The following MYO1C variants were observed in gnomAD, a reference collection of about 807,000 sequenced individuals.
MYO1C encodes the protein myosin IC.
In MYO1C, 104 loss-of-function variants were observed where a neutral mutation model predicts 150.8. That is an observed-to-expected ratio of 0.69 (90% confidence interval 0.59 to 0.81). The LOEUF (loss-of-function observed/expected upper bound fraction) is 0.81, where lower values mean the gene tolerates loss of function less well. Among genes scored for constraint, MYO1C ranks in the 30% least tolerant of loss-of-function variants. MYO1C has a pLI of 0.00. For synonymous variants in MYO1C, 663 were observed against 579.9 expected (o/e 1.14, Z -2.06); for missense variants, 1,504 against 1,435.0 (o/e 1.05, Z -0.78).
intron 17 of MYO1C, 60 bp from the exon 18 acceptor site, chr17:1,472,288 C>A (rs2074321078): frequency 6.9e-7 from 1 of 1,450,132 alleles, no homozygotes; most frequent in East Asian, 2.3e-5. Flanking sequence ...CTGACCCCAG[C>A]AGCGAGTACC....
chr17:1,469,637 A>G, intron 24 of MYO1C, 23 bp from the exon 25 acceptor site: 1 of 1,578,390 alleles, frequency 6.3e-7, no homozygotes, highest in South Asian at 1.1e-5. Flanking sequence ...GTGAGGTCAG[A>G]GGTCCTGGAC....
intron 1 of MYO1C, among the ~76,000 whole-genome samples, chr17:1,488,789 C>T (rs2074697109): frequency 6.6e-6 from 1 of 152,208 alleles, no homozygotes; most frequent in Admixed American, 6.5e-5. Flanking sequence ...AGGTTCCCTG[C>T]AGGCCATGGC....
chr17:1,468,065 A>T lies in MYO1C; in HGVS notation c.2819T>A (p.Leu940Gln). ...GACGACGGCGTTGGGCGTGAGCAGC[A>T]GCTGCCGGGAGCGAGGCTTGTAGCC... ...RKGYKPRSRQ[L>Q]LLTPNAVVIV... The change falls in exon 28 of 32, where the codon CTG becomes CAG. Residue 940 changes from leucine to glutamine, a missense_variant. Coordinates refer to ENST00000648651, the MANE Select transcript of MYO1C (RefSeq NM_001080779.2). 6.2e-7 allele frequency: 1 copy of T among 1,613,414 alleles called. No homozygotes were observed. Among genetic ancestry groups the T allele is most frequent in the Non-Finnish European group, 8.5e-7 (1 of 1,179,948 alleles).
chr17:1,486,503 C>T (rs1259009158), intron 1 of MYO1C, among the ~76,000 whole-genome samples: 2 of 148,702 alleles, frequency 1.3e-5, no homozygotes, highest in Non-Finnish European at 1.5e-5. Context: ...GGACCTCCTC[C>T]CTCCCTCCTT....
chr17:1,481,896 G>A (rs961969653), intron 5 of MYO1C, among the ~76,000 whole-genome samples: 2 of 151,358 alleles, frequency 1.3e-5, no homozygotes, highest in Non-Finnish European at 2.9e-5. Context: ...CTCTGTTCGC[G>A]GGCCCCTGCT....
intron 1 of MYO1C, among the ~76,000 whole-genome samples, chr17:1,484,836 T>A (rs1405526095): frequency 6.6e-6 from 1 of 151,984 alleles, no homozygotes; most frequent in Non-Finnish European, 1.5e-5. Context: ...GACAAATGGC[T>A]CAGGGTCAAT....
In MYO1C at chr17:1,467,241, C is replaced by T. The variant is rs2074191766; in HGVS notation, c.3165+1G>A. ...TAAGCGGGAAAGCAGGCCCCACTCA[C>T]CACAGCCAGGTGCCCGTTCTTGGCC... On this transcript the variant is annotated splice_donor_variant, in intron 31 of 31. Coordinates refer to ENST00000648651, the MANE Select transcript of MYO1C (RefSeq NM_001080779.2). LOFTEE classifies it high-confidence loss of function. 2 of 1,610,898 alleles carry T rather than the reference C, an allele frequency of 1.2e-6. No individual in the cohort carries two copies. Among genetic ancestry groups the T allele is most frequent in the Non-Finnish European group, 1.7e-6 (2 of 1,178,602 alleles).
intron 3 of MYO1C, 87 bp downstream of exon 3, chr17:1,483,523 G>T: frequency 2.1e-6 from 2 of 970,436 alleles, no homozygotes; most frequent in Non-Finnish European, 1.6e-6. Context: ...GGGACGCCAG[G>T]ATCATTTCAG....
intron 5 of MYO1C, among the ~76,000 whole-genome samples, chr17:1,481,616 T>C (rs944939702): frequency 2.0e-5 from 3 of 151,888 alleles, no homozygotes; most frequent in Non-Finnish European, 4.4e-5. Flanking sequence ...TTCTCCTGCC[T>C]CAGCCTCCTG....
chr17:1,484,346 G>C (rs759605363), intron 1 of MYO1C, 43 bp from the exon 2 acceptor site: 2 of 1,600,420 alleles, frequency 1.2e-6, no homozygotes, highest in Middle Eastern at 1.7e-4. Flanking sequence ...GTCATCGGGG[G>C]CGGGGCAAGG....
Position 1,468,441 on chromosome 17 carries a change from G to T in MYO1C, c.2666C>A (p.Pro889His), listed in dbSNP as rs756211002. The T allele has an allele frequency of 6.2e-7, 1 of 1,614,072 alleles. No homozygotes were observed. Among genetic ancestry groups the T allele is most frequent in the Non-Finnish European group, 8.5e-7 (1 of 1,179,978 alleles). Residue 889 changes from proline to histidine, a missense_variant, in exon 26 of 32, where the codon CCT becomes CAT. Coordinates refer to ENST00000648651, the MANE Select transcript of MYO1C (RefSeq NM_001080779.2). ...EIFKGKKDNY[P>H]QSVPRLFIST... ...GATGAAGAGCCTGGGTACACTCTGAGGGTAATTATCCTTCTTGCCCTTGAA... is the reference window on the plus strand; with the variant it reads ...GATGAAGAGCCTGGGTACACTCTGATGGTAATTATCCTTCTTGCCCTTGAA...
chr17:1,488,693 G>A (rs138395812), intron 1 of MYO1C, among the ~76,000 whole-genome samples: 194 of 152,338 alleles, frequency 1.3e-3, no homozygotes, highest in Non-Finnish European at 1.8e-3. Context: ...CAGTGACACC[G>A]TTCAGGCCCC....
chr17:1,484,594 G>A (rs2150964033), intron 1 of MYO1C: 2 of 559,930 alleles, frequency 3.6e-6, no homozygotes, highest in African/African-American at 1.9e-5. Context: ...TCGGACACAG[G>A]GCATGGACGC....
intron 1 of MYO1C, among the ~76,000 whole-genome samples, chr17:1,489,922 C>G (rs188687582): frequency 1.3e-5 from 2 of 151,808 alleles, no homozygotes; most frequent in East Asian, 3.9e-4. Flanking sequence ...CGCTTGTAAT[C>G]CCAGCTACTT....
intron 14 of MYO1C, among the ~76,000 whole-genome samples, chr17:1,476,622 C>G (rs531754965): frequency 2.0e-5 from 3 of 152,210 alleles, no homozygotes; most frequent in Admixed American, 2.0e-4. Context: ...TGAGAAAACA[C>G]CAAGAACCCC....
Position 1,469,573 on chromosome 17 carries a change from C to T in MYO1C, c.2568G>A (p.Val856=), listed in dbSNP as rs770454741. 1.9e-6 allele frequency: 3 copies of T among 1,613,440 alleles called. No individual in the cohort carries two copies. The highest frequency in any genetic ancestry group is 2.2e-5 in the East Asian group (1 of 44,878). Residue 856 remains valine (V), a synonymous_variant, in exon 25 of 32, where the codon GTG becomes GTA. Transcript: ENST00000648651. ...LLRELCIKNM[V]WKYCRSISPE... is the part of the protein sequence containing the mutation. ...GGCTGATACTCCGGCAGTATTTCCA[C>T]ACCATGTTCTTTATGCACAACTCCC...
At chr17:1,485,246 A>G (rs2074627599) in intron 1 of MYO1C, 1 of 1,161,520 alleles carries the variant, frequency 8.6e-7, no homozygotes, top group South Asian at 1.7e-5. Context: ...CAGGGCTCCA[A>G]AAAATGGACA....
At chr17:1,485,916 G>C (rs933978987) in intron 1 of MYO1C, 16 of 161,268 alleles carry the variant, frequency 9.9e-5, no homozygotes, top group Non-Finnish European at 4.0e-5. Context: ...GGAGGTGGGG[G>C]TGTCGGGGCG....
At chr17:1,488,109 G>A (rs1391733074) in intron 1 of MYO1C, among the ~76,000 whole-genome samples, 3 of 152,182 alleles carry the variant, frequency 2.0e-5, no homozygotes, top group African/African-American at 4.8e-5. Context: ...GAGCCAGCGG[G>A]GGCGCGGCCA....
Sources: allele counts gnomAD v4.1 joint callset (sites outside exome capture counted in the v4.1 genomes callset), GRCh38; gene constraint gnomAD v4.1.1; transcripts MANE v1.5; gene names NCBI Gene and HGNC (gene_info 2026-07-23, HGNC 2026-07-21).